The following DACH1 variants were observed in gnomAD, a reference collection of about 807,000 sequenced individuals.
DACH1 encodes the protein dachshund family transcription factor 1, also known as dachshund homolog 1.
DACH1 carries 12 observed loss-of-function variants against 54.2 expected under a neutral mutation model. The ratio of observed to expected loss-of-function variants is 0.22; its 90% CI spans 0.14 to 0.36. The LOEUF (loss-of-function observed/expected upper bound fraction) is 0.36. Ranked by LOEUF, DACH1 falls within the 10% of genes least tolerant of loss-of-function variation. The pLI is 1.00. For synonymous variants in DACH1, 386 were observed against 366.2 expected (o/e 1.05, Z -0.62); for missense variants, 805 against 929.8 (o/e 0.87, Z 1.75).
intron 10 of DACH1, among the ~76,000 whole-genome samples, chr13:71,443,155 C>T (rs1379548229): frequency 6.6e-6 from 1 of 150,952 alleles, no homozygotes; most frequent in African/African-American, 2.4e-5. Flanking sequence ...AATTTTCCCT[C>T]CCAGAGGCAG....
At chr13:71,694,241 C>G (rs932510280) in intron 1 of DACH1, among the ~76,000 whole-genome samples, 1 of 152,066 alleles carries the variant, frequency 6.6e-6, no homozygotes, top group Non-Finnish European at 1.5e-5. Context: ...CCATTCCCCT[C>G]CACTGTGTAA....
intron 10 of DACH1, among the ~76,000 whole-genome samples, chr13:71,447,626 A>T (rs973880156): frequency 6.6e-6 from 1 of 151,922 alleles, no homozygotes; most frequent in Non-Finnish European, 1.5e-5. Context: ...GAGGTCAGGA[A>T]ATCGAGACCA....
intron 8 of DACH1, among the ~76,000 whole-genome samples, chr13:71,478,175 A>G (rs891530309): frequency 6.6e-6 from 1 of 152,224 alleles, no homozygotes; most frequent in Non-Finnish European, 1.5e-5. Context: ...TTCACTTGGA[A>G]TACAGCCATT....
At chr13:71,720,242 G>A (rs1883168439) in intron 1 of DACH1, among the ~76,000 whole-genome samples, 2 of 152,172 alleles carry the variant, frequency 1.3e-5, no homozygotes, top group Non-Finnish European at 1.5e-5. Flanking sequence ...ATTCCAGCAT[G>A]TGAAGGGGAG....
At chr13:71,746,174 C>T (rs1227260343) in intron 1 of DACH1, among the ~76,000 whole-genome samples, 9 of 152,080 alleles carry the variant, frequency 5.9e-5, no homozygotes, top group East Asian at 1.9e-4. Flanking sequence ...GCCGAGATTG[C>T]GCCACTGCAC....
Position 71,667,790 on chromosome 13 carries a change from G to A in DACH1, c.964+14005C>T, listed in dbSNP as rs556109722. Among the ~76,000 whole-genome samples, 569 of 152,154 alleles carry A rather than the reference G, an allele frequency of 3.7e-3. 2 individuals are homozygous for A. Among genetic ancestry groups the A allele is most frequent in the Non-Finnish European group, 4.7e-3 (322 of 67,978 alleles). ...ACTTAAAGGTTAGGTATGATGAGAT[G>A]AATTTCATGCTCAAATAACTTCAAA... On this transcript the variant is annotated intron_variant, in intron 2 of 10. Coordinates refer to ENST00000613252, the MANE Select transcript of DACH1 (RefSeq NM_080759.6).
intron 6 of DACH1, among the ~76,000 whole-genome samples, chr13:71,553,898 T>C (rs1207771434): frequency 6.6e-6 from 1 of 151,786 alleles, no homozygotes; most frequent in Non-Finnish European, 1.5e-5. Context: ...ACAGTGATTC[T>C]CAGAATACAA....
At chr13:71,572,148 T>A (rs918108497) in intron 4 of DACH1, among the ~76,000 whole-genome samples, 4 of 152,108 alleles carry the variant, frequency 2.6e-5, no homozygotes, top group Admixed American at 6.6e-5. Flanking sequence ...TATTTCTTAC[T>A]CCTTAGCCAG....
intron 1 of DACH1, among the ~76,000 whole-genome samples, chr13:71,826,591 A>G (rs1394917084): frequency 6.6e-6 from 1 of 152,126 alleles, no homozygotes; most frequent in Non-Finnish European, 1.5e-5. Flanking sequence ...CTGCTGCCAT[A>G]AGGGCATGTA....
At position 71,477,441 on chromosome 13, in the gene DACH1, T is replaced by A. The variant is rs750965354; in HGVS notation, c.1871-1592A>T. On this transcript the variant is annotated intron_variant, in intron 8 of 10. Coordinates refer to ENST00000613252, the MANE Select transcript of DACH1 (RefSeq NM_080759.6). ...CGGCCTATTATTAATATTTTTAAGA[T>A]GGAAGCTAATTTACATGTCAGGTGT... 1.9e-4 allele frequency among the ~76,000 whole-genome samples: 29 copies of A among 152,094 alleles called. No individual in the cohort carries two copies. The South Asian group carries it at 2.5e-3, about 13-fold the overall frequency.
chr13:71,498,089 T>C (rs1196100351), intron 6 of DACH1, among the ~76,000 whole-genome samples: 3 of 152,182 alleles, frequency 2.0e-5, no homozygotes, highest in African/African-American at 7.2e-5. Context: ...TTTGGCAGAA[T>C]GTTGGAGGTT....
intron 1 of DACH1, among the ~76,000 whole-genome samples, chr13:71,863,352 G>A (rs184581845): frequency 1.3e-5 from 2 of 151,526 alleles, no homozygotes; most frequent in African/African-American, 4.8e-5. Context: ...CTACAATATT[G>A]CATGTATTTA....
At chr13:71,766,722 C>A (rs926463457) in intron 1 of DACH1, among the ~76,000 whole-genome samples, 4 of 151,970 alleles carry the variant, frequency 2.6e-5, no homozygotes, top group Admixed American at 2.6e-4. Context: ...AAATTAATAT[C>A]TTGAAGTTCC....
intron 5 of DACH1, 120 bp downstream of exon 5, chr13:71,559,700 T>C: frequency 7.7e-7 from 1 of 1,301,370 alleles, no homozygotes; most frequent in South Asian, 1.3e-5. Flanking sequence ...TGGCTATTGC[T>C]ACAGAGTTTC....
intron 3 of DACH1, among the ~76,000 whole-genome samples, chr13:71,577,906 T>C (rs1389174174): frequency 1.3e-5 from 2 of 152,188 alleles, no homozygotes; most frequent in Non-Finnish European, 2.9e-5. Flanking sequence ...CAAATAATTA[T>C]ACATATTCAT....
intron 3 of DACH1, among the ~76,000 whole-genome samples, chr13:71,624,329 TG>T (rs975468432): frequency 6.6e-6 from 1 of 151,956 alleles, no homozygotes; most frequent in Non-Finnish European, 1.5e-5. Context: ...ATGGGACATT[TG>T]TGAAAAGATT....
intron 1 of DACH1, among the ~76,000 whole-genome samples, chr13:71,811,809 T>C (rs754044484): frequency 8.5e-5 from 13 of 152,336 alleles, no homozygotes; most frequent in Non-Finnish European, 1.6e-4. Context: ...GTGAGGATAA[T>C]GTAAGTTAAT....
intron 10 of DACH1, among the ~76,000 whole-genome samples, chr13:71,460,599 G>A (rs1429016603): frequency 6.6e-6 from 1 of 152,016 alleles, no homozygotes; most frequent in East Asian, 1.9e-4. Flanking sequence ...AGCCAGTGAA[G>A]AGGTTTCTGT....
chr13:71,442,698 T>C (rs76290210), intron 10 of DACH1, among the ~76,000 whole-genome samples: 1 of 152,240 alleles, frequency 6.6e-6, no homozygotes, highest in Admixed American at 6.5e-5. Flanking sequence ...TGTTTTTTTT[T>C]GTATACATAC....
Sources: gnomAD v4.1 joint callset for allele counts (sites outside exome capture counted in the v4.1 genomes callset) on GRCh38, gnomAD v4.1.1 for gene constraint, MANE v1.5 for transcripts, NCBI Gene and HGNC (gene_info 2026-07-23, HGNC 2026-07-21) for gene names.